ANKDD1A: variants seen among roughly 807,000 people sequenced by gnomAD.
ANKDD1A encodes ankyrin repeat and death domain-containing protein 1A.
ANKDD1A carries 59 observed loss-of-function variants against 63.5 expected under a neutral mutation model. That is an observed-to-expected ratio of 0.93 (90% confidence interval 0.75 to 1.15). The LOEUF (loss-of-function observed/expected upper bound fraction) is 1.15. Among genes scored for constraint, ANKDD1A ranks in the 50% most tolerant of loss-of-function variants. ANKDD1A has a pLI of 0.00. For synonymous variants in ANKDD1A, 266 were observed against 263.9 expected (o/e 1.01, Z -0.08); for missense variants, 632 against 656.4 (o/e 0.96, Z 0.41).
chr15:64,927,943 A>G (rs2085060208), intron 6 of ANKDD1A, among the ~76,000 whole-genome samples: 1 of 152,148 alleles, frequency 6.6e-6, no homozygotes, highest in Admixed American at 6.6e-5. Flanking sequence ...CAACAAAGAG[A>G]TTAACTCCAT....
At chr15:64,937,320 G>A (rs1461975884) in intron 9 of ANKDD1A, among the ~76,000 whole-genome samples, 2 of 152,204 alleles carry the variant, frequency 1.3e-5, no homozygotes, top group South Asian at 2.1e-4. Context: ...ATATGTACAA[G>A]GTTTTTGCTG....
intron 14 of ANKDD1A, among the ~76,000 whole-genome samples, chr15:64,954,837 TTTC>T (rs1305993564): frequency 1.5e-5 from 2 of 134,502 alleles, no homozygotes; most frequent in African/African-American, 5.3e-5. Context: ...TTTGTTGTTC[TTTC>T]TTCTTCCTTC....
chr15:64,945,607 CATATATATATAT>C (rs61390435), intron 12 of ANKDD1A, among the ~76,000 whole-genome samples: 12 of 73,866 alleles, frequency 1.6e-4, no homozygotes, highest in Admixed American at 1.1e-3. Flanking sequence ...GCATTTTCAA[CATATATATATAT>C]ATATATATAT....
Position 64,947,588 on chromosome 15 carries a change from G to T in ANKDD1A, c.1346G>T (p.Trp449Leu). Residue 449 changes from tryptophan (W) to leucine (L), a missense_variant, in exon 13 of 15, where the codon TGG becomes TTG. Trp to Leu is a moderately conservative substitution (Grantham distance 61, BLOSUM62 -2). Coordinates refer to ENST00000319580, the MANE Select transcript of ANKDD1A (RefSeq NM_182703.6). ...EAHVDAIEQQWTGTRSYQEHG... is the reference protein window; with the variant it reads ...EAHVDAIEQQLTGTRSYQEHG... ...CATGTCGACGCCATCGAGCAACAGT[G>T]GACAGGTACCACCTTGCCTCTCCTC... is the stretch of plus-strand genomic sequence containing the variant. The T allele has an allele frequency of 6.2e-7, 1 of 1,613,834 alleles. No individual in the cohort carries two copies. The highest frequency in any genetic ancestry group is 8.5e-7 in the Non-Finnish European group (1 of 1,179,930).
At chr15:64,952,365 TTTCTTCTTCC>T (rs1264627871) in intron 14 of ANKDD1A, among the ~76,000 whole-genome samples, 1 of 132,746 alleles carries the variant, frequency 7.5e-6, no homozygotes, top group Non-Finnish European at 1.6e-5. Context: ...CTCCTTCTTC[TTTCTTCTTCC>T]TCTTTCCTTC....
At chr15:64,953,801 CCTTT>C (rs1416415764) in intron 14 of ANKDD1A, among the ~76,000 whole-genome samples, 2 of 123,724 alleles carry the variant, frequency 1.6e-5, no homozygotes, top group African/African-American at 6.3e-5. Flanking sequence ...CTTTCTTCTT[CCTTT>C]TTTTCTTCTT....
chr15:64,954,429 G>A (rs375464048), intron 14 of ANKDD1A, among the ~76,000 whole-genome samples: 15 of 116,204 alleles, frequency 1.3e-4, no homozygotes, highest in South Asian at 6.0e-4. Flanking sequence ...CTCCTCCTTC[G>A]TTCGTCGTCT....
rs146626936 is a variant in ANKDD1A at position 64,944,683 on chromosome 15, G to A, written c.1097G>A (p.Arg366His). The change falls in exon 12 of 15, where the codon CGC (arginine) becomes CAC (histidine). Residue 366 changes from arginine (R) to histidine (H), a missense_variant. Physicochemically the swap from Arg to His is conservative, Grantham distance 29. Transcript: ENST00000319580. ...QGKTALAVAV[R>H]SNHVSLVDMI... Reference sequence around the variant, plus strand: ...AAAACCGCCCTGGCAGTGGCCGTCCGCAGCAACCATGTCAGCCTGGTGGAC... The same window carrying A: ...AAAACCGCCCTGGCAGTGGCCGTCCACAGCAACCATGTCAGCCTGGTGGAC... 7.8e-5 allele frequency: 126 copies of A among 1,613,910 alleles called. No individual in the cohort carries two copies. Among genetic ancestry groups the A allele is most frequent in the Admixed American group, 1.0e-4 (6 of 59,986 alleles).
intron 6 of ANKDD1A, 63 bp from the exon 7 acceptor site, chr15:64,930,759 C>A: frequency 6.6e-7 from 1 of 1,524,472 alleles, no homozygotes; most frequent in Non-Finnish European, 8.9e-7. Flanking sequence ...TGCAGCTCAT[C>A]ACAGGTCTGT....
chr15:64,934,207 A>G lies in ANKDD1A; in HGVS notation c.840A>G (p.Ala280=), dbSNP rs1256575252. Residue 280 remains alanine (A), a synonymous_variant, in exon 9 of 15, where the codon GCA becomes GCG. Transcript: ENST00000319580. ...SEDVSRVLIH[A]GGCANVVDHQ... is the part of the protein sequence containing the mutation. ...ATGTGTCTCGGGTCCTCATCCACGC[A>G]GGAGGCTGCGCCAACGTGGTTGATC... is the stretch of plus-strand genomic sequence containing the variant. 6.2e-6 allele frequency: 10 copies of G among 1,612,328 alleles called. No individual in the cohort carries two copies. Among genetic ancestry groups the G allele is most frequent in the Non-Finnish European group, 8.5e-6 (10 of 1,179,172 alleles).
Position 64,954,546 on chromosome 15 carries a change from TCTTTTC to T in ANKDD1A, c.1484-2556_1484-2551del, listed in dbSNP as rs1458707112. Among the ~76,000 whole-genome samples the T allele has an allele frequency of 4.9e-5, 7 of 142,692 alleles. No homozygotes were observed. In the Admixed American group the frequency reaches 5.0e-4, roughly 10 times the overall value. 93.6% of individuals were successfully genotyped at this position (142,692 alleles called of 152,430 possible). On this transcript the variant is annotated intron_variant, in intron 14 of 14. Transcript: ENST00000319580. ...TCTCCTTCTTCCTCCTTCTCCTTCTTCTTTTCTTCTTCCTTCTCCTTGTTCTCCTTC... is the reference window on the plus strand; with the variant it reads ...TCTCCTTCTTCCTCCTTCTCCTTCTTTTCTTCCTTCTCCTTGTTCTCCTTC...
chr15:64,940,948 G>T (rs1249382961), intron 9 of ANKDD1A, among the ~76,000 whole-genome samples: 1 of 152,078 alleles, frequency 6.6e-6, no homozygotes, highest in Non-Finnish European at 1.5e-5. Flanking sequence ...CCACTATGTT[G>T]TCCAGGCTGA....
chr15:64,927,129 A>G (rs2085051682), intron 6 of ANKDD1A, 130 bp downstream of exon 6: 1 of 873,420 alleles, frequency 1.1e-6, no homozygotes, highest in South Asian at 1.6e-5. Flanking sequence ...CAAAGATGAG[A>G]GTGTATTTAG....
intron 8 of ANKDD1A, chr15:64,932,903 T>C (rs1254302772): frequency 6.7e-6 from 1 of 150,322 alleles, no homozygotes; most frequent in Non-Finnish European, 1.5e-5. Flanking sequence ...GAGCTATGAT[T>C]GCACCACTGT....
In ANKDD1A at chr15:64,926,937, G is replaced by T. The variant is rs201127218; in HGVS notation, c.508G>T (p.Gly170Trp). ...RTAFHRAAEHGQLDALDFLVG... is the reference protein window; with the variant it reads ...RTAFHRAAEHWQLDALDFLVG... Reference sequence around the variant, plus strand: ...GGCGTTTCACAGGGCAGCTGAGCACGGGCAGCTGGATGCTCTGGACTTCCT... The same window carrying T: ...GGCGTTTCACAGGGCAGCTGAGCACTGGCAGCTGGATGCTCTGGACTTCCT... The change falls in exon 6 of 15, where the codon GGG (glycine) becomes TGG (tryptophan). Residue 170 changes from glycine (G) to tryptophan (W), a missense_variant. Transcript: ENST00000319580. 1 of 1,614,160 alleles carries T rather than the reference G, an allele frequency of 6.2e-7. No individual in the cohort carries two copies. The highest frequency in any genetic ancestry group is 1.7e-5 in the Admixed American group (1 of 60,016).
chr15:64,953,028 CCTT>C (rs1266585885), intron 14 of ANKDD1A, among the ~76,000 whole-genome samples: 21 of 111,494 alleles, frequency 1.9e-4, no homozygotes, highest in South Asian at 3.1e-4. Context: ...TTCTTCTCCT[CCTT>C]CTTCCTTTCT....
At chr15:64,955,504 G>T (rs1309291919) in intron 14 of ANKDD1A, among the ~76,000 whole-genome samples, 1 of 152,198 alleles carries the variant, frequency 6.6e-6, no homozygotes, top group Non-Finnish European at 1.5e-5. Context: ...TTGTTCTGGG[G>T]CTTGGCTGTA....
intron 14 of ANKDD1A, among the ~76,000 whole-genome samples, chr15:64,952,176 C>G (rs900723454): frequency 6.8e-6 from 1 of 146,726 alleles, no homozygotes; most frequent in Non-Finnish European, 1.5e-5. Context: ...TTTCTTTCTT[C>G]TTTCCTTCTA....
At chr15:64,935,604 G>A (rs1400256990) in intron 9 of ANKDD1A, among the ~76,000 whole-genome samples, 2 of 151,768 alleles carry the variant, frequency 1.3e-5, no homozygotes, top group East Asian at 1.9e-4. Flanking sequence ...GAACCCGGGA[G>A]GCAGAGCTTG....
Sources: allele counts gnomAD v4.1 joint callset (sites outside exome capture counted in the v4.1 genomes callset), GRCh38; gene constraint gnomAD v4.1.1; transcripts MANE v1.5; gene names NCBI Gene and HGNC (gene_info 2026-07-23, HGNC 2026-07-21).